The following EXTL3 variants were observed in gnomAD, a reference collection of about 807,000 sequenced individuals.
EXTL3 encodes exostosin-like 3.
A neutral mutation model predicts 69.3 loss-of-function variants in EXTL3; 27 were observed. The ratio of observed to expected loss-of-function variants is 0.39; its 90% CI spans 0.29 to 0.54. The LOEUF (loss-of-function observed/expected upper bound fraction) is 0.54. Among genes scored for constraint, EXTL3 ranks in the 20% least tolerant of loss-of-function variants. The pLI, the probability that EXTL3 is intolerant of heterozygous loss-of-function variation, is 0.69. For synonymous variants in EXTL3, 511 were observed against 499.4 expected, an observed-to-expected ratio of 1.02 and a Z score of -0.31; for missense variants, 1,003 against 1,231.8, an observed-to-expected ratio of 0.81 and a Z score of 2.78.
intron 3 of EXTL3, among the ~76,000 whole-genome samples, chr8:28,729,291 T>TAAAAAA (rs1801480851): frequency 2.0e-5 from 1 of 50,380 alleles, no homozygotes; most frequent in African/African-American, 1.3e-4. Context: ...AGACTCTATC[T>TAAAAAA]CAAAAAAAAA....
At chr8:28,740,031 A>T (rs531378960) in intron 5 of EXTL3, 5 of 152,356 alleles carry the variant, frequency 3.3e-5, no homozygotes, top group Admixed American at 6.5e-5. Flanking sequence ...TATAAAGAAG[A>T]TTACAGACTA....
rs114126599 is a variant in EXTL3, at chr8:28,702,123, C to T, written c.-570+464C>T. On this transcript the variant is annotated intron_variant, in intron 1 of 6. Transcript: ENST00000220562. ...CTGTCGGCGGAGGCGCAGCTCCGGA[C>T]TACCCCCACCCCTTCCCGAGCACAC... 3.5e-3 allele frequency among the ~76,000 whole-genome samples: 534 copies of T among 152,338 alleles called. 7 individuals carry two copies. The highest frequency in any genetic ancestry group is 0.012 in the African/African-American group (508 of 41,582).
rs192682393 is a variant in EXTL3, at chr8:28,755,216, G to A, written c.*4350G>A. 1 of 152,240 alleles carries A rather than the reference G, an allele frequency of 6.6e-6. No individual in the cohort carries two copies. The highest frequency in any genetic ancestry group is 2.4e-5 in the African/African-American group (1 of 41,438). The allele number at this position is 152,240 out of a possible 1,614,324, so 9.4% of individuals were successfully genotyped here. ...GCTCTTTCTGCCTTCCGCTAGGTTT[G>A]AGCGCCAGCGCCTGGCTGAGTGCCC... On this transcript the variant is annotated 3_prime_UTR_variant, in exon 7 of 7. Coordinates refer to ENST00000220562, the MANE Select transcript of EXTL3 (RefSeq NM_001440.4).
At chr8:28,732,675 C>CT (rs1187911494) in intron 4 of EXTL3, among the ~76,000 whole-genome samples, 2 of 152,178 alleles carry the variant, frequency 1.3e-5, no homozygotes, top group Non-Finnish European at 2.9e-5. Context: ...TGACTCTCTT[C>CT]TTTCACGGAA....
Position 28,715,803 on chromosome 8 carries a change from C to T in EXTL3, c.-257C>T. 1 of 493,480 alleles carries T rather than the reference C, an allele frequency of 2.0e-6. No individual in the cohort carries two copies. The highest frequency in any genetic ancestry group is 3.6e-6 in the Non-Finnish European group (1 of 278,500). 30.6% of individuals were successfully genotyped at this position (493,480 alleles called of 1,614,324 possible). On this transcript the variant is annotated 5_prime_UTR_variant, in exon 3 of 7. Coordinates refer to ENST00000220562, the MANE Select transcript of EXTL3 (RefSeq NM_001440.4). ...TTTCATCTCAGCAAGAATGTGGCAC[C>T]TTTTATCGTTTGATAAAGATTAAGG...
intron 1 of EXTL3, among the ~76,000 whole-genome samples, chr8:28,685,323 C>G (rs575404124): frequency 2.0e-5 from 3 of 151,900 alleles, no homozygotes; most frequent in Non-Finnish European, 4.4e-5. Context: ...TCGCATTTAG[C>G]TCTCATGTTT....
chr8:28,699,887 C>G (rs1045232373), upstream of EXTL3: 4 of 152,278 alleles, frequency 2.6e-5, no homozygotes, highest in African/African-American at 9.6e-5. Flanking sequence ...AAGACTGAGT[C>G]GAACAGGTAG....
intron 1 of EXTL3, among the ~76,000 whole-genome samples, chr8:28,684,771 T>C (rs1807549175): frequency 6.6e-6 from 1 of 152,112 alleles, no homozygotes; most frequent in Non-Finnish European, 1.5e-5. Context: ...AAAGTTAATT[T>C]TGAAAACATT....
intron 1 of EXTL3, among the ~76,000 whole-genome samples, chr8:28,689,518 A>G (rs890241909): frequency 6.6e-6 from 1 of 152,156 alleles, no homozygotes; most frequent in African/African-American, 2.4e-5. Context: ...TTCAAATGTC[A>G]TTTCAAAGTA....
At chr8:28,626,159 G>A (rs114519437) in intron 1 of EXTL3, among the ~76,000 whole-genome samples, 3,284 of 139,274 alleles carry the variant, frequency 0.024, 100 homozygotes, top group African/African-American at 0.073. Context: ...GCAACAGGGT[G>A]AGACCCTGTC....
At chr8:28,675,714 T>C (rs1392405116) in intron 1 of EXTL3, among the ~76,000 whole-genome samples, 1 of 152,090 alleles carries the variant, frequency 6.6e-6, no homozygotes, top group Non-Finnish European at 1.5e-5. Flanking sequence ...GCGTTGCAGC[T>C]TTGGGCGTTA....
intron 1 of EXTL3, among the ~76,000 whole-genome samples, chr8:28,703,977 G>GT (rs1226486355): frequency 2.0e-5 from 3 of 152,210 alleles, no homozygotes; most frequent in Admixed American, 6.5e-5. Flanking sequence ...GGCAGAGAGA[G>GT]TTTGTGAGCT....
intron 1 of EXTL3, among the ~76,000 whole-genome samples, chr8:28,669,424 T>C (rs1482783597): frequency 6.6e-6 from 1 of 152,260 alleles, no homozygotes; most frequent in East Asian, 1.9e-4. Context: ...CAAATGCTTC[T>C]CTTCAAGTTA....
chr8:28,622,165 C>A (rs533776518), upstream of EXTL3, among the ~76,000 whole-genome samples: 1 of 152,342 alleles, frequency 6.6e-6, no homozygotes, highest in Admixed American at 6.5e-5. Context: ...TTCGTTTGAT[C>A]CTTTGTAATG....
At chr8:28,729,984 T>C (rs1006124365) in intron 3 of EXTL3, among the ~76,000 whole-genome samples, 10 of 152,120 alleles carry the variant, frequency 6.6e-5, no homozygotes, top group African/African-American at 1.7e-4. Flanking sequence ...TCTGAATTAA[T>C]TGGATTTTAA....
intron 4 of EXTL3, among the ~76,000 whole-genome samples, chr8:28,732,662 T>C (rs1801563136): frequency 6.6e-6 from 1 of 152,212 alleles, no homozygotes; most frequent in South Asian, 2.1e-4. Flanking sequence ...GCATGGCCTT[T>C]TGTGACTCTC....
chr8:28,653,753 G>A (rs1370759835), intron 1 of EXTL3, among the ~76,000 whole-genome samples: 1 of 152,182 alleles, frequency 6.6e-6, no homozygotes, highest in African/African-American at 2.4e-5. Context: ...ACCACACTTA[G>A]TGCTGTTTTG....
At chr8:28,709,195 G>C (rs1005629902) in intron 1 of EXTL3, among the ~76,000 whole-genome samples, 4 of 152,146 alleles carry the variant, frequency 2.6e-5, no homozygotes, top group Admixed American at 6.5e-5. Context: ...TCTGTGCTTT[G>C]GTTTCCTCGT....
chr8:28,613,279 G>T (rs893371531), intron 2 of EXTL3, among the ~76,000 whole-genome samples: 8 of 152,096 alleles, frequency 5.3e-5, no homozygotes, highest in African/African-American at 1.9e-4. Flanking sequence ...TGCCTCCTGG[G>T]TTCAAATGAT....
Sources: gnomAD v4.1 joint callset for allele counts (sites outside exome capture counted in the v4.1 genomes callset) on GRCh38, gnomAD v4.1.1 for gene constraint, MANE v1.5 for transcripts, NCBI Gene and HGNC (gene_info 2026-07-23, HGNC 2026-07-21) for gene names.